TSPAN5: variants seen among roughly 807,000 people sequenced by gnomAD.
TSPAN5 encodes the protein tetraspanin 5, also known as tetraspanin-5.
In TSPAN5, 10 loss-of-function variants were observed where a neutral mutation model predicts 37.1. That is an observed-to-expected ratio of 0.27 (90% CI 0.17 to 0.46). The LOEUF (loss-of-function observed/expected upper bound fraction) is 0.46, where lower values mean the gene tolerates loss of function less well. Ranked by LOEUF, TSPAN5 falls within the 20% of genes least tolerant of loss-of-function variation. The pLI, the probability that TSPAN5 is intolerant of heterozygous loss-of-function variation, is 1.00. For synonymous variants in TSPAN5, 110 were observed against 118.9 expected (o/e 0.93, Z 0.48); for missense variants, 195 against 326.6 (o/e 0.60, Z 3.11).
intron 2 of TSPAN5, among the ~76,000 whole-genome samples, chr4:98,491,882 T>C (rs1489998251): frequency 2.0e-5 from 3 of 151,034 alleles, no homozygotes; most frequent in Admixed American, 1.3e-4. Context: ...GTAATTATAA[T>C]TAAACCTTGT....
chr4:98,474,154 T>C (rs540568427), intron 7 of TSPAN5, among the ~76,000 whole-genome samples: 3 of 152,356 alleles, frequency 2.0e-5, no homozygotes, highest in Non-Finnish European at 4.4e-5. Flanking sequence ...TGTTTTCTTC[T>C]GGAGTTCTAT....
chr4:98,482,226 C>G, intron 3 of TSPAN5, 51 bp from the exon 4 acceptor site: 1 of 1,532,504 alleles, frequency 6.5e-7, no homozygotes, highest in South Asian at 1.2e-5. Flanking sequence ...CTATTTTGAT[C>G]ATATATAGCT....
intron 1 of TSPAN5, among the ~76,000 whole-genome samples, chr4:98,571,535 T>C (rs1755120212): frequency 1.3e-5 from 2 of 151,478 alleles, no homozygotes; most frequent in South Asian, 4.2e-4. Context: ...GATAACAGCA[T>C]TTTTATTATA....
At chr4:98,584,303 A>G (rs1310262245) in intron 1 of TSPAN5, among the ~76,000 whole-genome samples, 2 of 152,148 alleles carry the variant, frequency 1.3e-5, no homozygotes, top group Admixed American at 6.5e-5. Flanking sequence ...AAGTTATTCA[A>G]TCATTCCCAT....
At chr4:98,633,569 C>T (rs1433813008) in intron 1 of TSPAN5, among the ~76,000 whole-genome samples, 3 of 152,124 alleles carry the variant, frequency 2.0e-5, no homozygotes, top group South Asian at 4.2e-4. Context: ...CTTCGATGAA[C>T]AATTTTATTT....
rs1270838986 is a variant in TSPAN5, at chr4:98,478,733, A to G, written c.528T>C (p.Ser176=). The G allele has an allele frequency of 2.5e-6, 4 of 1,614,042 alleles. No homozygotes were observed. Among genetic ancestry groups the G allele is most frequent in the Non-Finnish European group, 3.4e-6 (4 of 1,180,044 alleles). ...IYFNCTDSNA[S]RERCGVPFSC... ...AGAATGGAACGCCACATCGCTCTCG[A>G]CTTGCATTGGAATCTGTGCAATTGA... The change falls in exon 5 of 8, where the codon AGT becomes AGC. Residue 176 remains serine (S), a synonymous_variant. Coordinates refer to ENST00000305798, the MANE Select transcript of TSPAN5 (RefSeq NM_005723.4).
intron 1 of TSPAN5, among the ~76,000 whole-genome samples, chr4:98,569,161 A>T (rs2156504): frequency 0.51 from 77,226 of 152,012 alleles, 19,869 homozygotes; most frequent in Non-Finnish European, 0.54. Context: ...TCTGATTATG[A>T]TTTGGCTTCC....
chr4:98,632,417 A>G (rs1441612244), intron 1 of TSPAN5, among the ~76,000 whole-genome samples: 1 of 152,178 alleles, frequency 6.6e-6, no homozygotes, highest in East Asian at 1.9e-4. Flanking sequence ...CTGAATGACT[A>G]CATATCACTG....
chr4:98,512,692 G>T (rs1260051214), intron 1 of TSPAN5, among the ~76,000 whole-genome samples: 1 of 152,198 alleles, frequency 6.6e-6, no homozygotes, highest in Non-Finnish European at 1.5e-5. Flanking sequence ...CCAACATTTT[G>T]AAATTGGTAC....
intron 1 of TSPAN5, among the ~76,000 whole-genome samples, chr4:98,573,877 A>G (rs1479170589): frequency 6.6e-6 from 1 of 152,246 alleles, no homozygotes; most frequent in African/African-American, 2.4e-5. Context: ...CAGGAATGTT[A>G]GAATCTCATG....
chr4:98,576,066 C>A (rs1473507714), intron 1 of TSPAN5, among the ~76,000 whole-genome samples: 1 of 151,964 alleles, frequency 6.6e-6, no homozygotes, highest in Non-Finnish European at 1.5e-5. Context: ...GAGACTCCAT[C>A]TAAAAAAACA....
intron 7 of TSPAN5, among the ~76,000 whole-genome samples, chr4:98,473,893 G>A (rs556191137): frequency 6.6e-6 from 1 of 152,180 alleles, no homozygotes; most frequent in Non-Finnish European, 1.5e-5. Context: ...CCAAGCAGCT[G>A]GGATTACAGG....
intron 2 of TSPAN5, among the ~76,000 whole-genome samples, chr4:98,502,510 G>A (rs1753376573): frequency 6.6e-6 from 1 of 152,188 alleles, no homozygotes; most frequent in Non-Finnish European, 1.5e-5. Flanking sequence ...GAGGAGTGAT[G>A]TATTATGCCT....
chr4:98,513,333 C>A (rs1578958467), intron 1 of TSPAN5, among the ~76,000 whole-genome samples: 1 of 152,012 alleles, frequency 6.6e-6, no homozygotes, highest in East Asian at 1.9e-4. Context: ...GTGTGGTGAG[C>A]AGGGGTGGGG....
chr4:98,643,497 G>A (rs1023556907), intron 1 of TSPAN5, among the ~76,000 whole-genome samples: 6 of 152,040 alleles, frequency 3.9e-5, no homozygotes, highest in African/African-American at 9.7e-5. Flanking sequence ...TTATATTTAA[G>A]TGGAATACAT....
At chr4:98,648,725 C>T (rs1273029396) in intron 1 of TSPAN5, among the ~76,000 whole-genome samples, 3 of 152,230 alleles carry the variant, frequency 2.0e-5, no homozygotes, top group African/African-American at 7.2e-5. Context: ...CACCGCTCTA[C>T]ACCACCCACG....
chr4:98,621,791 C>CA (rs1222942889), intron 1 of TSPAN5, among the ~76,000 whole-genome samples: 1 of 151,096 alleles, frequency 6.6e-6, no homozygotes, highest in Non-Finnish European at 1.5e-5. Context: ...CATTCCCACC[C>CA]CCCCCGCAGC....
chr4:98,592,171 A>G (rs113730655), intron 1 of TSPAN5, among the ~76,000 whole-genome samples: 15,959 of 137,358 alleles, frequency 0.12, 1,539 homozygotes, highest in African/African-American at 0.25. Context: ...CATTACCTTT[A>G]TCTCATGCCA....
chr4:98,634,879 A>G (rs1756820875), intron 1 of TSPAN5, among the ~76,000 whole-genome samples: 1 of 152,206 alleles, frequency 6.6e-6, no homozygotes, highest in Non-Finnish European at 1.5e-5. Context: ...CATTCTTTGG[A>G]AAGTCCTTTG....
Sources: allele counts gnomAD v4.1 joint callset (sites outside exome capture counted in the v4.1 genomes callset), GRCh38; gene constraint gnomAD v4.1.1; transcripts MANE v1.5; gene names NCBI Gene and HGNC (gene_info 2026-07-23, HGNC 2026-07-21).